Variants in RANBP2 observed in about 807,000 individuals in gnomAD.
The protein encoded by RANBP2 is E3 SUMO-protein ligase RanBP2.
A neutral mutation model predicts 303.6 loss-of-function variants in RANBP2; 57 were observed. That is an observed-to-expected ratio of 0.19 (90% CI 0.15 to 0.23). RANBP2 has a LOEUF of 0.23. Among genes scored for constraint, RANBP2 ranks in the 10% least tolerant of loss-of-function variants. The pLI is 1.00. For synonymous variants in RANBP2, 1,167 were observed against 1,301.5 expected, an observed-to-expected ratio of 0.90 and a Z score of 2.23; for missense variants, 3,138 against 3,780.8, an observed-to-expected ratio of 0.83 and a Z score of 4.46.
chr2:108,936,587 C>T, the RANBP2 span, among the ~76,000 whole-genome samples: 1 of 152,162 alleles, frequency 6.6e-6, no homozygotes, highest in Non-Finnish European at 1.5e-5. Flanking sequence ...CCACACCCAG[C>T]AGGATTCAGT....
the RANBP2 span, among the ~76,000 whole-genome samples, chr2:109,379,431 C>T: frequency 2.2e-4 from 33 of 152,148 alleles, no homozygotes; most frequent in East Asian, 3.9e-3. Flanking sequence ...GCGAGCCCCT[C>T]GCATGTTTGT....
the RANBP2 span, chr2:108,798,590 ACTATATAGC>A: frequency 6.3e-7 from 1 of 1,588,848 alleles, no homozygotes; most frequent in Non-Finnish European, 8.6e-7. Context: ...AAAAGAGGTA[ACTATATAGC>A]CTTTGATTTT....
At chr2:108,849,019 A>G in the RANBP2 span, among the ~76,000 whole-genome samples, 1 of 152,212 alleles carries the variant, frequency 6.6e-6, no homozygotes, top group African/African-American at 2.4e-5. Context: ...GTAAGGGGAT[A>G]CATGGAAGAT....
At chr2:109,524,466 A>C in the RANBP2 span, among the ~76,000 whole-genome samples, 1 of 82,968 alleles carries the variant, frequency 1.2e-5, no homozygotes, top group Admixed American at 1.4e-4. Flanking sequence ...AAAAAAAAAA[A>C]CAAAACAACA....
At chr2:109,235,564 G>A in the RANBP2 span, among the ~76,000 whole-genome samples, 1 of 152,246 alleles carries the variant, frequency 6.6e-6, no homozygotes, top group Admixed American at 6.5e-5. Context: ...TGACTGGTAA[G>A]ATGGTTCTCC....
the RANBP2 span, among the ~76,000 whole-genome samples, chr2:109,038,720 G>A: frequency 6.6e-6 from 1 of 152,016 alleles, no homozygotes; most frequent in Non-Finnish European, 1.5e-5. Flanking sequence ...CTAAGGAGTG[G>A]GATTACTGGG....
At chr2:109,711,410 C>T in the RANBP2 span, among the ~76,000 whole-genome samples, 1 of 152,140 alleles carries the variant, frequency 6.6e-6, no homozygotes, top group African/African-American at 2.4e-5. Context: ...CCCACACCTG[C>T]CCTTGCCCCC....
the RANBP2 span, among the ~76,000 whole-genome samples, chr2:109,686,193 G>C: frequency 6.6e-6 from 1 of 152,158 alleles, no homozygotes; most frequent in South Asian, 2.1e-4. Flanking sequence ...GAGGGCCCTG[G>C]GTTTGTGTTG....
At chr2:109,208,627 T>C in the RANBP2 span, among the ~76,000 whole-genome samples, 1 of 152,238 alleles carries the variant, frequency 6.6e-6, no homozygotes, top group Non-Finnish European at 1.5e-5. Context: ...CATTTGACTT[T>C]ACTGTTTTAA....
the RANBP2 span, among the ~76,000 whole-genome samples, chr2:108,903,753 C>T: frequency 6.6e-6 from 1 of 152,100 alleles, no homozygotes; most frequent in Admixed American, 6.5e-5. Context: ...TCAACTCAAA[C>T]TTAAATGCAA....
chr2:108,728,740 G>A (rs543445055), intron 1 of RANBP2, among the ~76,000 whole-genome samples: 2 of 152,248 alleles, frequency 1.3e-5, no homozygotes, highest in African/African-American at 4.8e-5. Flanking sequence ...CACCTCCTGG[G>A]TTCAACTGAT....
the RANBP2 span, among the ~76,000 whole-genome samples, chr2:109,426,327 TTG>T: frequency 6.6e-6 from 1 of 152,196 alleles, no homozygotes; most frequent in Non-Finnish European, 1.5e-5. Flanking sequence ...TTATGAACAT[TTG>T]TGATTCATGG....
the RANBP2 span, among the ~76,000 whole-genome samples, chr2:109,075,362 T>C: frequency 1.3e-5 from 2 of 149,918 alleles, no homozygotes; most frequent in Non-Finnish European, 1.5e-5. Context: ...GTAGCTAGGA[T>C]TACAGGCACC....
At chr2:109,231,852 G>A in the RANBP2 span, among the ~76,000 whole-genome samples, 21,580 of 152,122 alleles carry the variant, frequency 0.14, 2,862 homozygotes, top group African/African-American at 0.33. Context: ...TTGCCATTAA[G>A]AAAAACAGCT....
downstream of RANBP2, chr2:108,786,738 G>A: frequency 7.8e-7 from 1 of 1,289,128 alleles, no homozygotes; most frequent in Non-Finnish European, 1.1e-6. Context: ...GCGGGGTCTG[G>A]CACGTCGTGA....
At chr2:108,910,676 C>A in the RANBP2 span, 1 of 1,456,780 alleles carries the variant, frequency 6.9e-7, no homozygotes, top group Non-Finnish European at 9.6e-7. Context: ...TATGGTTCAG[C>A]ATGTGAGAGC....
chr2:109,391,482 C>T, the RANBP2 span, among the ~76,000 whole-genome samples: 2 of 152,220 alleles, frequency 1.3e-5, no homozygotes, highest in Non-Finnish European at 2.9e-5. Context: ...CACAGGTCTC[C>T]AGCACACTCC....
chr2:109,578,879 G>A, the RANBP2 span, among the ~76,000 whole-genome samples: 18 of 152,140 alleles, frequency 1.2e-4, no homozygotes, highest in Admixed American at 4.6e-4. Context: ...AATGCATAAG[G>A]CTGAAAATCA....
chr2:108,987,067 CTG>C, the RANBP2 span, among the ~76,000 whole-genome samples: 7 of 152,298 alleles, frequency 4.6e-5, no homozygotes, highest in South Asian at 8.3e-4. Context: ...TGAGGGGAAA[CTG>C]AGCCCAGCTG....
Sources: allele counts gnomAD v4.1 joint callset (sites outside exome capture counted in the v4.1 genomes callset), GRCh38; gene constraint gnomAD v4.1.1; transcripts MANE v1.5; gene names NCBI Gene and HGNC (gene_info 2026-07-23, HGNC 2026-07-21).